Variants in AFG2A observed in about 807,000 individuals in gnomAD.
The protein encoded by AFG2A is AAA ATPase AFG2A, also known as ATPase family gene 2 protein homolog A.
chr4:122,974,950 A>G, the AFG2A span, among the ~76,000 whole-genome samples: 5 of 152,104 alleles, frequency 3.3e-5, no homozygotes, highest in African/African-American at 1.2e-4. Flanking sequence ...ATAAAGTTGA[A>G]AAGTCTTAAG....
At chr4:123,183,694 A>G in the AFG2A span, among the ~76,000 whole-genome samples, 1 of 152,068 alleles carries the variant, frequency 6.6e-6, no homozygotes, top group African/African-American at 2.4e-5. Context: ...ATGGAAAAGA[A>G]AGAGTATAAA....
At chr4:123,045,491 T>C in the AFG2A span, among the ~76,000 whole-genome samples, 1 of 152,240 alleles carries the variant, frequency 6.6e-6, no homozygotes, top group South Asian at 2.1e-4. Flanking sequence ...CTTCAGTTGG[T>C]AACAGTTTCT....
At chr4:123,184,536 T>C in the AFG2A span, among the ~76,000 whole-genome samples, 2 of 119,562 alleles carry the variant, frequency 1.7e-5, no homozygotes, top group East Asian at 4.4e-4. Context: ...TCATTTCTTT[T>C]TTTTTTTTTT....
At chr4:122,924,185 T>G in the AFG2A span, among the ~76,000 whole-genome samples, 1 of 152,230 alleles carries the variant, frequency 6.6e-6, no homozygotes, top group African/African-American at 2.4e-5. Flanking sequence ...AACTTGTTTT[T>G]GAACTAGATC....
At chr4:122,964,494 A>T in the AFG2A span, among the ~76,000 whole-genome samples, 1 of 105,394 alleles carries the variant, frequency 9.5e-6, no homozygotes, top group East Asian at 3.1e-4. Context: ...ACAGAGCAAG[A>T]CTGTCTCAAA....
the AFG2A span, among the ~76,000 whole-genome samples, chr4:123,242,751 G>T: frequency 6.6e-6 from 1 of 152,166 alleles, no homozygotes; most frequent in Admixed American, 6.5e-5. Flanking sequence ...TGACAAATGG[G>T]ATCTAATTAA....
chr4:122,983,334 C>G, the AFG2A span, among the ~76,000 whole-genome samples: 8 of 151,738 alleles, frequency 5.3e-5, no homozygotes, highest in South Asian at 4.2e-4. Flanking sequence ...TTTAGTATTT[C>G]CTTCCTTCTG....
chr4:123,018,168 A>T, the AFG2A span, among the ~76,000 whole-genome samples: 1 of 152,208 alleles, frequency 6.6e-6, no homozygotes, highest in Non-Finnish European at 1.5e-5. Flanking sequence ...TGTCAGGGAC[A>T]TGTTCCTTGG....
At chr4:123,203,156 T>A in the AFG2A span, among the ~76,000 whole-genome samples, 4 of 96,244 alleles carry the variant, frequency 4.2e-5, no homozygotes, top group East Asian at 8.1e-4. Flanking sequence ...ATAGTTGTAC[T>A]TTTTTTTTTT....
chr4:123,135,976 AAAC>A, the AFG2A span, among the ~76,000 whole-genome samples: 340 of 152,308 alleles, frequency 2.2e-3, 1 homozygote, highest in African/African-American at 7.8e-3. Context: ...AAAATTAAGA[AAAC>A]AATCTCATTT....
chr4:123,042,652 C>T, the AFG2A span, among the ~76,000 whole-genome samples: 1 of 152,112 alleles, frequency 6.6e-6, no homozygotes, highest in African/African-American at 2.4e-5. Context: ...CTTTTGCATT[C>T]AGTGCATTTT....
chr4:123,068,086 T>A, the AFG2A span, among the ~76,000 whole-genome samples: 1 of 152,230 alleles, frequency 6.6e-6, no homozygotes, highest in Non-Finnish European at 1.5e-5. Context: ...ATATTAGCTG[T>A]ACATTTTCCC....
At chr4:122,940,667 T>C in the AFG2A span, among the ~76,000 whole-genome samples, 1 of 152,212 alleles carries the variant, frequency 6.6e-6, no homozygotes, top group Admixed American at 6.5e-5. Context: ...TTGGCTTTTG[T>C]TGCCATTGCT....
chr4:123,003,187 A>G, the AFG2A span, among the ~76,000 whole-genome samples: 62,769 of 152,000 alleles, frequency 0.41, 15,929 homozygotes, highest in Non-Finnish European at 0.56. Flanking sequence ...TATATTGGTT[A>G]TTCTAGTTAT....
At chr4:123,016,289 G>C in the AFG2A span, among the ~76,000 whole-genome samples, 1 of 151,462 alleles carries the variant, frequency 6.6e-6, no homozygotes, top group Non-Finnish European at 1.5e-5. Flanking sequence ...CCCGGATGGG[G>C]TGGCTGCCGG....
At chr4:123,056,184 G>A in the AFG2A span, among the ~76,000 whole-genome samples, 1 of 152,200 alleles carries the variant, frequency 6.6e-6, no homozygotes, top group Non-Finnish European at 1.5e-5. Flanking sequence ...CCTTTCCTTT[G>A]TATTGATGTG....
the AFG2A span, among the ~76,000 whole-genome samples, chr4:123,087,524 T>C: frequency 1.3e-5 from 2 of 152,204 alleles, no homozygotes; most frequent in Non-Finnish European, 2.9e-5. Flanking sequence ...TGGGTACTTT[T>C]CCTTCCTCCT....
At chr4:123,311,640 AAAAAAAAAAAAAAAAAGAG>A in the AFG2A span, among the ~76,000 whole-genome samples, 3 of 103,646 alleles carry the variant, frequency 2.9e-5, no homozygotes, top group African/African-American at 4.7e-5. Flanking sequence ...AAAAAAAAAA[AAAAAAAAAAAAAAAAAGAG>A]AGAGAAAATC....
the AFG2A span, among the ~76,000 whole-genome samples, chr4:123,034,173 C>T: frequency 1.3e-5 from 2 of 151,870 alleles, no homozygotes; most frequent in Non-Finnish European, 2.9e-5. Context: ...TATATGGAAA[C>T]TCCCAAATAA....
Sources: gnomAD v4.1 joint callset for allele counts (sites outside exome capture counted in the v4.1 genomes callset) on GRCh38, gnomAD v4.1.1 for gene constraint, MANE v1.5 for transcripts, NCBI Gene and HGNC (gene_info 2026-07-23, HGNC 2026-07-21) for gene names.